Variants in DNAH2 observed in about 807,000 individuals in gnomAD.
DNAH2 encodes dynein axonemal heavy chain 2, also known as axonemal beta dynein heavy chain 2.
DNAH2 carries 323 observed loss-of-function variants against 523.5 expected under a neutral mutation model. The observed-to-expected ratio is 0.62, with a 90% CI of 0.56 to 0.68. The LOEUF (loss-of-function observed/expected upper bound fraction) is 0.68, where lower values mean the gene tolerates loss of function less well. Ranked by LOEUF, DNAH2 falls within the 30% of genes least tolerant of loss-of-function variation. DNAH2 has a pLI of 0.00. For synonymous variants in DNAH2, 2,093 were observed against 2,177.4 expected (o/e 0.96, Z 1.08); for missense variants, 4,907 against 5,701.5 (o/e 0.86, Z 4.49).
intron 4 of DNAH2, among the ~76,000 whole-genome samples, chr17:7,732,024 C>G (rs1041534436): frequency 4.3e-5 from 4 of 94,060 alleles, no homozygotes; most frequent in African/African-American, 1.3e-4. Flanking sequence ...AGCGAAACTT[C>G]GTCTCAAAAA....
At chr17:7,805,942 G>GA (rs972878591) in intron 61 of DNAH2, among the ~76,000 whole-genome samples, 1 of 152,042 alleles carries the variant, frequency 6.6e-6, no homozygotes, top group Admixed American at 6.6e-5. Context: ...AAGAGAAAAA[G>GA]AAAAAACTAC....
chr17:7,819,450 T>A (rs1370684823), intron 72 of DNAH2, 42 bp downstream of exon 72: 1 of 1,609,878 alleles, frequency 6.2e-7, no homozygotes. Context: ...GGAGGCCGAG[T>A]GGCTGTGGTT....
At position 7,807,446 on chromosome 17, in the gene DNAH2, C is replaced by T. The variant is rs910094143; in HGVS notation, c.9613-24C>T. The T allele has an allele frequency of 6.2e-7, 1 of 1,611,978 alleles. No homozygotes were observed. Among genetic ancestry groups the T allele is most frequent in the Non-Finnish European group, 8.5e-7 (1 of 1,179,562 alleles). On this transcript the variant is annotated intron_variant, in intron 62 of 85. Transcript: ENST00000572933. The surrounding 1 kb of genome is among the most constrained non-coding windows in gnomAD (Gnocchi z 5.6). Reference sequence around the variant, plus strand: ...GGTTGGTGGGTTGGTGGGCGACTCCCACAGCCTGACTGTCTCCCCACAGCT... The same window carrying T: ...GGTTGGTGGGTTGGTGGGCGACTCCTACAGCCTGACTGTCTCCCCACAGCT...
Position 7,719,712 on chromosome 17 carries a change from T to A in DNAH2, c.-14-9T>A, listed in dbSNP as rs773921749. The A allele has an allele frequency of 6.2e-7, 1 of 1,614,088 alleles. No homozygotes were observed. The highest frequency in any genetic ancestry group is 1.3e-5 in the African/African-American group (1 of 74,950). On this transcript the variant is annotated splice_polypyrimidine_tract_variant and intron_variant, in intron 1 of 85. Coordinates refer to ENST00000572933, the MANE Select transcript of DNAH2 (RefSeq NM_020877.5). ...TGCTTGTAGACTCTCCACTCCTGTA[T>A]ACCTGTAGGTTTTGCCTGCACGATG... is the stretch of plus-strand genomic sequence containing the variant.
At position 7,733,475 on chromosome 17, in the gene DNAH2, C is replaced by CTT. The variant is rs1199721840; in HGVS notation, c.628+179_628+180dup. Among the ~76,000 whole-genome samples, 171 of 113,844 alleles carry CTT rather than the reference C, an allele frequency of 1.5e-3. 2 individuals carry two copies. The highest frequency in any genetic ancestry group is 4.5e-3 in the African/African-American group (138 of 30,904). 74.7% of individuals were successfully genotyped at this position (113,844 alleles called of 152,430 possible). A position where few individuals can be genotyped will look rare whatever the true frequency, so the allele number is the denominator to read the frequency against. On this transcript the variant is annotated intron_variant, in intron 5 of 85. Transcript: ENST00000572933. ...AGGGTACAAGATCCGCCTTCTTCTTCTTTTTTTTTTTTTTTTTTTTGAGAT... is the reference window on the plus strand; with the variant it reads ...AGGGTACAAGATCCGCCTTCTTCTTCTTTTTTTTTTTTTTTTTTTTTTGAGAT...
Position 7,766,366 on chromosome 17 carries a change from C to G in DNAH2, c.3560C>G (p.Thr1187Arg). ...VGYMSALDQI[T>R]QVRAMLMAMR... ...TACATGTCTGCCTTAGACCAGATTACACAAGTGCGGGCCATGCTGATGGCC... is the reference window on the plus strand; with the variant it reads ...TACATGTCTGCCTTAGACCAGATTAGACAAGTGCGGGCCATGCTGATGGCC... The change falls in exon 22 of 86, where the codon ACA becomes AGA. Residue 1187 changes from threonine to arginine, a missense_variant. Thr to Arg is a moderately conservative substitution (Grantham distance 71). Coordinates refer to ENST00000572933, the MANE Select transcript of DNAH2 (RefSeq NM_020877.5). The G allele has an allele frequency of 6.2e-7, 1 of 1,614,084 alleles. No homozygotes were observed. The highest frequency in any genetic ancestry group is 8.5e-7 in the Non-Finnish European group (1 of 1,180,010).
In DNAH2 at chr17:7,824,153, C is replaced by G. The variant is rs774903687; in HGVS notation, c.11511C>G (p.Leu3837=). The G allele has an allele frequency of 2.5e-6, 4 of 1,577,880 alleles. No homozygotes were observed. Among genetic ancestry groups the G allele is most frequent in the Non-Finnish European group, 3.4e-6 (4 of 1,164,792 alleles). Residue 3837 remains leucine, a synonymous_variant, in exon 76 of 86, where the codon CTC becomes CTG. Coordinates refer to ENST00000572933, the MANE Select transcript of DNAH2 (RefSeq NM_020877.5). ...AGGATTCAACCCCACGATCCCCACT[C>G]GTGTTCATCCTGTCCCCTGGTGTGG... ...VLEDSTPRSP[L]VFILSPGVDP...
rs2076486020 is a variant in DNAH2, at chr17:7,777,432, G to A, written c.5059-14G>A. 1 of 1,613,934 alleles carries A rather than the reference G, an allele frequency of 6.2e-7. No homozygotes were observed. Among genetic ancestry groups the A allele is most frequent in the Non-Finnish European group, 8.5e-7 (1 of 1,179,966 alleles). On this transcript the variant is annotated splice_polypyrimidine_tract_variant and intron_variant, in intron 32 of 85. Coordinates refer to ENST00000572933, the MANE Select transcript of DNAH2 (RefSeq NM_020877.5). ...TGCTCTGTCTGCTCTCTTCCCTGCTGCTTCATGCCACAGGTGTCAATCCTG... is the reference window on the plus strand; with the variant it reads ...TGCTCTGTCTGCTCTCTTCCCTGCTACTTCATGCCACAGGTGTCAATCCTG...
intron 7 of DNAH2, among the ~76,000 whole-genome samples, chr17:7,735,111 C>T (rs922461399): frequency 6.6e-6 from 1 of 152,070 alleles, no homozygotes; most frequent in Non-Finnish European, 1.5e-5. Flanking sequence ...GGGATAAATA[C>T]TTTTTTTCTT....
intron 77 of DNAH2, among the ~76,000 whole-genome samples, chr17:7,829,875 A>T (rs540802449): frequency 1.3e-5 from 2 of 152,046 alleles, no homozygotes; most frequent in East Asian, 3.9e-4. Flanking sequence ...AAATACAAAA[A>T]ATTAGCTGGG....
chr17:7,803,973 TA>T (rs1436707628), intron 58 of DNAH2, among the ~76,000 whole-genome samples: 1 of 152,068 alleles, frequency 6.6e-6, no homozygotes, highest in African/African-American at 2.4e-5. Context: ...GATTCTCATG[TA>T]GGGGAGGTGG....
Position 7,763,955 on chromosome 17 carries a change from T to C in DNAH2, c.3103T>C (p.Phe1035Leu), listed in dbSNP as rs767962128. The change falls in exon 19 of 86, where the codon TTC becomes CTC. Residue 1035 changes from phenylalanine (F) to leucine (L), a missense_variant. By Grantham distance (22) the Phe-to-Leu change is conservative. This residue lies in a region of DNAH2 where 2,806 missense variants were observed against 3,190.8 expected (regional missense o/e 0.88). Transcript: ENST00000572933. ...GCACTGCAATGAATGGCAGAACAAGTTCGCGACTCTGCTCAGGGAGATGGC... is the reference window on the plus strand; with the variant it reads ...GCACTGCAATGAATGGCAGAACAAGCTCGCGACTCTGCTCAGGGAGATGGC... ...VQHCNEWQNK[F>L]ATLLREMAAG... The C allele has an allele frequency of 6.2e-7, 1 of 1,614,214 alleles. No individual in the cohort carries two copies. Among genetic ancestry groups the C allele is most frequent in the African/African-American group, 1.3e-5 (1 of 75,052 alleles).
chr17:7,777,354 G>A (rs1260421006), intron 32 of DNAH2, 92 bp from the exon 33 acceptor site: 32 of 1,420,656 alleles, frequency 2.3e-5, no homozygotes, highest in Admixed American at 3.5e-5. Context: ...GGTCAGCACC[G>A]GGTTGGAAGC....
intron 63 of DNAH2, among the ~76,000 whole-genome samples, chr17:7,812,737 A>G (rs536491304): frequency 7.0e-6 from 1 of 142,472 alleles, no homozygotes; most frequent in East Asian, 2.3e-4. Flanking sequence ...CCTGGCCAAC[A>G]TGGTGAAACC....
chr17:7,799,273 C>G lies in DNAH2; in HGVS notation c.8699+31C>G, dbSNP rs376720446. ...TTCTGTGACATCCTTCTCTCAGCCC[C>G]TTCTGTGTGCTCCCTCACCCTGCTG... On this transcript the variant is annotated intron_variant, in intron 56 of 85. Transcript: ENST00000572933. 13 of 1,609,418 alleles carry G rather than the reference C, an allele frequency of 8.1e-6. No homozygotes were observed. In the African/African-American group the frequency reaches 1.6e-4, roughly 20 times the overall value.
At position 7,754,463 on chromosome 17, in the gene DNAH2, C is replaced by A; in HGVS notation, c.1905-2628C>A. The A allele has an allele frequency of 1.5e-6, 1 of 684,882 alleles. No individual in the cohort carries two copies. Among genetic ancestry groups the A allele is most frequent in the South Asian group, 1.8e-5 (1 of 54,240 alleles). The allele number at this position is 684,882 out of a possible 1,614,324, so 42.4% of individuals were successfully genotyped here. A position where few individuals can be genotyped will look rare whatever the true frequency, so the allele number is the denominator to read the frequency against. On this transcript the variant is annotated intron_variant, in intron 12 of 85. Coordinates refer to ENST00000572933, the MANE Select transcript of DNAH2 (RefSeq NM_020877.5). This position sits in a 1 kb window ranked among gnomAD's most constrained non-coding sequence, Gnocchi z 4.6. ...AGAAATGGTATCAAGAAACCGCGAT[C>A]ACAAAGATACAAATCTCTTAAGGGG... is the stretch of plus-strand genomic sequence containing the variant.
chr17:7,823,576 T>A lies in DNAH2; in HGVS notation c.11277T>A (p.Arg3759=). The change falls in exon 74 of 86, where the codon CGT becomes CGA. Residue 3759 remains arginine (R), a synonymous_variant. Coordinates refer to ENST00000572933, the MANE Select transcript of DNAH2 (RefSeq NM_020877.5). ...TGAACTCCTTTGAGCAGTACCCTCGTGACTGGCACCTGTGGTATACCAATG... is the reference window on the plus strand; with the variant it reads ...TGAACTCCTTTGAGCAGTACCCTCGAGACTGGCACCTGTGGTATACCAATG... ...GLMNSFEQYP[R]DWHLWYTNAA... is the part of the protein sequence containing the mutation. 3 of 1,614,170 alleles carry A rather than the reference T, an allele frequency of 1.9e-6. No individual in the cohort carries two copies. The highest frequency in any genetic ancestry group is 4.5e-5 in the East Asian group (2 of 44,874).
chr17:7,818,154 C>T (rs374272010), intron 68 of DNAH2, 58 bp downstream of exon 68: 1 of 1,605,828 alleles, frequency 6.2e-7, no homozygotes. Flanking sequence ...AGGGCTGGCT[C>T]TCTGACTGTG....
chr17:7,831,363 T>C lies in DNAH2; in HGVS notation c.12460-27T>C. 2.5e-6 allele frequency: 4 copies of C among 1,614,064 alleles called. No individual in the cohort carries two copies. The highest frequency in any genetic ancestry group is 3.4e-6 in the Non-Finnish European group (4 of 1,180,004). On this transcript the variant is annotated intron_variant, in intron 80 of 85. Coordinates refer to ENST00000572933, the MANE Select transcript of DNAH2 (RefSeq NM_020877.5). The surrounding 1 kb of genome is among the most constrained non-coding windows in gnomAD (Gnocchi z 4.2). ...AGGGAAAGTGATGAGAAGAGGGGGCTACACTCAAGAGCTCCTGCCTGCTCA... is the reference window on the plus strand; with the variant it reads ...AGGGAAAGTGATGAGAAGAGGGGGCCACACTCAAGAGCTCCTGCCTGCTCA...
Sources: allele counts gnomAD v4.1 joint callset (sites outside exome capture counted in the v4.1 genomes callset), GRCh38; gene constraint gnomAD v4.1.1; regional missense constraint gnomAD v4.1.1; non-coding constraint Gnocchi (gnomAD v3.1); transcripts MANE v1.5; gene names NCBI Gene and HGNC (gene_info 2026-07-23, HGNC 2026-07-21).